Variants in BEND4 observed in about 807,000 individuals in gnomAD.
The protein encoded by BEND4 is BEN domain containing 4, also known as BEN domain-containing protein 4.
Under a neutral mutation model 54.7 loss-of-function variants are expected in BEND4, and 27 were observed. The ratio of observed to expected loss-of-function variants is 0.49; its 90% CI spans 0.36 to 0.68. The LOEUF (loss-of-function observed/expected upper bound fraction) is 0.68. Among genes scored for constraint, BEND4 ranks in the 30% least tolerant of loss-of-function variants. The pLI is 0.00. For missense variants in BEND4, 702 were observed against 697.2 expected, an observed-to-expected ratio of 1.01 and a Z score of -0.08; for synonymous variants, 327 against 299.5, an observed-to-expected ratio of 1.09 and a Z score of -0.95.
chr4:42,117,392 G>T lies in BEND4; in HGVS notation c.*126C>A. 1 of 676,450 alleles carries T rather than the reference G, an allele frequency of 1.5e-6. No individual in the cohort carries two copies. Among genetic ancestry groups the T allele is most frequent in the Non-Finnish European group, 2.5e-6 (1 of 399,154 alleles). The allele number at this position is 676,450 out of a possible 1,614,324, so 41.9% of individuals were successfully genotyped here. A position where few individuals can be genotyped will look rare whatever the true frequency, so the allele number is the denominator to read the frequency against. On this transcript the variant is annotated 3_prime_UTR_variant, in exon 6 of 6. Transcript: ENST00000502486. ...TAAAATGGATTTCTATTTGGGTACT[G>T]TGGCAGCTGAGAATGTGTAGACTAT...
In BEND4 at chr4:42,151,780, C is replaced by T. The variant is rs1048800530; in HGVS notation, c.364G>A (p.Ala122Thr). Residue 122 changes from alanine (A) to threonine (T), a missense_variant, in exon 2 of 6, where the codon GCG becomes ACG. By Grantham distance (58) the Ala-to-Thr change is moderately conservative. Transcript: ENST00000502486. Reference protein sequence around the residue: ...HLRTPAQPPPASPAASSSSSF... With the variant: ...HLRTPAQPPPTSPAASSSSSF... The stretch of plus-strand genomic sequence containing the variant: ...GACGACGAGGAGGCGGCGGGGGACG[C>T]GGGCGGCGGCTGCGCCGGAGTCCTC... 94 of 1,493,020 alleles carry T rather than the reference C, an allele frequency of 6.3e-5. No individual in the cohort carries two copies. Among genetic ancestry groups the T allele is most frequent in the Non-Finnish European group, 8.2e-5 (92 of 1,128,540 alleles). The allele number at this position is 1,493,020 out of a possible 1,614,324, so 92.5% of individuals were successfully genotyped here. A position where few individuals can be genotyped will look rare whatever the true frequency, so the allele number is the denominator to read the frequency against.
chr4:42,136,507 T>G (rs1008184097), intron 3 of BEND4, among the ~76,000 whole-genome samples: 8 of 152,200 alleles, frequency 5.3e-5, no homozygotes, highest in African/African-American at 1.9e-4. Flanking sequence ...AATCAGAACT[T>G]GTGGTGCTTT....
rs369697257 is a variant in BEND4, at chr4:42,120,308, A to T, written c.1147-14T>A. ...CTGCTTGCTTCCCTGGAAAAGCGAA[A>T]TATTTTCTCATTACCCACCGAGCCA... On this transcript the variant is annotated splice_polypyrimidine_tract_variant and intron_variant, in intron 4 of 5. Coordinates refer to ENST00000502486, the MANE Select transcript of BEND4 (RefSeq NM_207406.4). 2 of 1,591,676 alleles carry T rather than the reference A, an allele frequency of 1.3e-6. No individual in the cohort carries two copies. The highest frequency in any genetic ancestry group is 1.7e-6 in the Non-Finnish European group (2 of 1,161,928).
chr4:42,151,040 G>C (rs1377903418), intron 2 of BEND4: 1 of 152,164 alleles, frequency 6.6e-6, no homozygotes, highest in African/African-American at 2.4e-5. Context: ...CACAACCAAG[G>C]GGTGGGAAGG....
At chr4:42,119,957 C>A in intron 5 of BEND4, 97 bp downstream of exon 5, 1 of 1,486,822 alleles carries the variant, frequency 6.7e-7, no homozygotes, top group Admixed American at 1.8e-5. Flanking sequence ...AGAAAGAAAT[C>A]AAAATACAGA....
intron 4 of BEND4, among the ~76,000 whole-genome samples, chr4:42,125,287 A>T (rs1720228158): frequency 6.6e-6 from 1 of 152,210 alleles, no homozygotes; most frequent in Non-Finnish European, 1.5e-5. Context: ...GGGAATGACA[A>T]GTTGGTGTCT....
chr4:42,133,780 G>C (rs554863213), intron 3 of BEND4, among the ~76,000 whole-genome samples: 1 of 152,214 alleles, frequency 6.6e-6, no homozygotes, highest in African/African-American at 2.4e-5. Flanking sequence ...GCATGACCCG[G>C]GAGGTGGAGC....
chr4:42,141,783 A>G (rs953821774), intron 3 of BEND4, among the ~76,000 whole-genome samples: 1 of 152,204 alleles, frequency 6.6e-6, no homozygotes, highest in Non-Finnish European at 1.5e-5. Context: ...ATATTTATGC[A>G]TATGTATCAG....
rs1721282034 is a variant in BEND4, at chr4:42,151,521, A to G, written c.487+136T>C. On this transcript the variant is annotated intron_variant, in intron 2 of 5. Coordinates refer to ENST00000502486, the MANE Select transcript of BEND4 (RefSeq NM_207406.4). ...TCTCGAAGTTTCCGGGTGCGCGGGG[A>G]GGCCCCAGGTGCGCCCCGACATCCC... The G allele has an allele frequency of 2.4e-5, 21 of 867,392 alleles. 1 individual carries two copies. Among genetic ancestry groups the G allele is most frequent in the Admixed American group, 8.7e-5 (2 of 22,958 alleles). 53.7% of individuals were successfully genotyped at this position (867,392 alleles called of 1,614,324 possible). A position where few individuals can be genotyped will look rare whatever the true frequency, so the allele number is the denominator to read the frequency against.
Position 42,143,500 on chromosome 4 carries a change from C to A in BEND4, c.982G>T (p.Glu328Ter). ...DEEGYCPRCQ[E>*]LEQEVISLQQ... ...AGTGAAATAACCTCCTGCTCCAGCT[C>A]TTGGCATCGAGGACAATAGCCTTCC... The change falls in exon 3 of 6, where the codon GAG (glutamate) becomes TAG (stop). Residue 328 changes from glutamate (E) to a stop codon, truncating the protein, a stop_gained. Transcript: ENST00000502486. LOFTEE classifies it high-confidence loss of function. The A allele has an allele frequency of 6.4e-7, 1 of 1,552,518 alleles. No homozygotes were observed. The highest frequency in any genetic ancestry group is 8.7e-7 in the Non-Finnish European group (1 of 1,147,264).
intron 4 of BEND4, 61 bp downstream of exon 4, chr4:42,125,522 G>C: frequency 7.6e-7 from 1 of 1,311,908 alleles, no homozygotes; most frequent in Non-Finnish European, 1.1e-6. Flanking sequence ...ACACTGATAA[G>C]TTAATCAAGA....
chr4:42,150,529 C>A (rs1293374988), intron 2 of BEND4, among the ~76,000 whole-genome samples: 1 of 152,216 alleles, frequency 6.6e-6, no homozygotes, highest in Non-Finnish European at 1.5e-5. Flanking sequence ...CTATTTTCCA[C>A]AGGAGAAAAA....
intron 3 of BEND4, among the ~76,000 whole-genome samples, chr4:42,130,172 G>A (rs1047448058): frequency 6.6e-5 from 10 of 152,174 alleles, no homozygotes. Flanking sequence ...CTGATCATTA[G>A]AGAAATGCAA....
intron 3 of BEND4, among the ~76,000 whole-genome samples, chr4:42,138,616 T>C (rs1338589837): frequency 1.3e-5 from 2 of 152,226 alleles, no homozygotes; most frequent in African/African-American, 4.8e-5. Flanking sequence ...TGTGTAACTA[T>C]GTGAGATGAT....
At position 42,138,440 on chromosome 4, in the gene BEND4, C is replaced by T. The variant is rs76962935; in HGVS notation, c.1054+4988G>A. Among the ~76,000 whole-genome samples the T allele has an allele frequency of 3.2e-4, 48 of 152,120 alleles. No homozygotes were observed. The East Asian group carries it at 7.9e-3, about 25-fold the overall frequency. ...AAGGGGTGGGGAGTGGGAGTGGAAA[C>T]GGAGGGATATAGCTCAGAGGTTACG... On this transcript the variant is annotated intron_variant, in intron 3 of 5. Transcript: ENST00000502486.
intron 3 of BEND4, among the ~76,000 whole-genome samples, chr4:42,139,039 G>A (rs980138152): frequency 1.3e-5 from 2 of 152,110 alleles, no homozygotes; most frequent in East Asian, 1.9e-4. Context: ...AGCTTCCTAA[G>A]TAAATGTGAC....
chr4:42,126,194 C>T (rs1041727581), intron 3 of BEND4, among the ~76,000 whole-genome samples: 3 of 152,198 alleles, frequency 2.0e-5, no homozygotes, highest in Non-Finnish European at 4.4e-5. Context: ...GCACAATTCA[C>T]TGAGAACTTT....
At chr4:42,119,913 T>A in intron 5 of BEND4, 141 bp downstream of exon 5, 1 of 1,029,206 alleles carries the variant, frequency 9.7e-7, no homozygotes, top group Non-Finnish European at 1.5e-6. Context: ...CAAGACTGAG[T>A]AGATGGGCCA....
intron 3 of BEND4, among the ~76,000 whole-genome samples, chr4:42,136,334 T>C (rs1720697955): frequency 6.6e-6 from 1 of 152,202 alleles, no homozygotes; most frequent in Admixed American, 6.5e-5. Flanking sequence ...AAAACCTTCT[T>C]AATTAGAAAA....
Sources: allele counts gnomAD v4.1 joint callset (sites outside exome capture counted in the v4.1 genomes callset), GRCh38; gene constraint gnomAD v4.1.1; transcripts MANE v1.5; gene names NCBI Gene and HGNC (gene_info 2026-07-23, HGNC 2026-07-21).